The following SLC24A3 variants were observed in gnomAD, a reference collection of about 807,000 sequenced individuals.
SLC24A3 encodes sodium/potassium/calcium exchanger 3.
Under a neutral mutation model 75.8 loss-of-function variants are expected in SLC24A3, and 28 were observed. That is an observed-to-expected ratio of 0.37 (90% CI 0.27 to 0.51). The LOEUF is 0.51. SLC24A3 is among the 20% of genes least tolerant of loss of function. The probability of loss-of-function intolerance (pLI) is 0.94; values close to 1 mark genes in which losing one functional copy is unlikely to be tolerated. For synonymous variants in SLC24A3, 372 were observed against 334.1 expected, an observed-to-expected ratio of 1.11 and a Z score of -1.24; for missense variants, 663 against 847.8, an observed-to-expected ratio of 0.78 and a Z score of 2.71.
At chr20:19,476,958 T>C (rs1752658547) in intron 2 of SLC24A3, among the ~76,000 whole-genome samples, 5 of 151,870 alleles carry the variant, frequency 3.3e-5, no homozygotes, top group Admixed American at 3.3e-4. Context: ...GCAAGGAAGG[T>C]AAGGGCTCGT....
chr20:19,357,304 C>T (rs1985705294), intron 2 of SLC24A3, among the ~76,000 whole-genome samples: 1 of 152,080 alleles, frequency 6.6e-6, no homozygotes, highest in South Asian at 2.1e-4. Context: ...GACTTCTGGC[C>T]TCCAGAACTG....
intron 1 of SLC24A3, among the ~76,000 whole-genome samples, chr20:19,239,954 G>A (rs564540761): frequency 1.0e-3 from 157 of 152,242 alleles, no homozygotes; most frequent in Admixed American, 3.4e-3. Flanking sequence ...CACAATCTGC[G>A]GTTGTCCTGA....
At chr20:19,684,028 GAA>G (rs1011360521) in intron 10 of SLC24A3, 146 bp from the exon 11 acceptor site, 11 of 837,240 alleles carry the variant, frequency 1.3e-5, no homozygotes, top group Non-Finnish European at 2.0e-5. Flanking sequence ...AATAAGGAAA[GAA>G]GAGTGGATGA....
At chr20:19,243,917 A>G (rs1255173534) in intron 1 of SLC24A3, 2 of 152,180 alleles carry the variant, frequency 1.3e-5, no homozygotes, top group Admixed American at 6.5e-5. Context: ...TCTCCTGAGC[A>G]TGATTCCAGT....
intron 2 of SLC24A3, among the ~76,000 whole-genome samples, chr20:19,359,268 T>C (rs1032091823): frequency 1.3e-5 from 2 of 152,224 alleles, no homozygotes; most frequent in African/African-American, 4.8e-5. Context: ...AAAAAAGTTC[T>C]TGTTCTTTCA....
At chr20:19,432,093 A>G (rs1454532181) in intron 2 of SLC24A3, among the ~76,000 whole-genome samples, 1 of 152,104 alleles carries the variant, frequency 6.6e-6, no homozygotes, top group East Asian at 1.9e-4. Context: ...GAGGTCATCA[A>G]AGGCACCACT....
At chr20:19,446,958 G>C (rs1463470582) in intron 2 of SLC24A3, among the ~76,000 whole-genome samples, 1 of 152,178 alleles carries the variant, frequency 6.6e-6, no homozygotes, top group East Asian at 1.9e-4. Context: ...GTGGTCCCCA[G>C]CATCTCTCAT....
chr20:19,390,555 G>A (rs1185803979), intron 2 of SLC24A3, among the ~76,000 whole-genome samples: 1 of 152,134 alleles, frequency 6.6e-6, no homozygotes, highest in East Asian at 1.9e-4. Flanking sequence ...CCTGGAGGCT[G>A]GGTCCACAGA....
rs140049136 is a variant in SLC24A3 at position 19,333,360 on chromosome 20, A to C, written c.271+52273A>C. 2.1e-3 allele frequency among the ~76,000 whole-genome samples: 321 copies of C among 152,248 alleles called. 1 individual carries two copies. Among genetic ancestry groups the C allele is most frequent in the Non-Finnish European group, 3.8e-3 (256 of 68,002 alleles). Reference sequence around the variant, plus strand: ...TCTGTTCATTACAACCAGGGTGCTCAAACTAGGGGCTGAGAAACAGATTCT... The same window carrying C: ...TCTGTTCATTACAACCAGGGTGCTCCAACTAGGGGCTGAGAAACAGATTCT... On this transcript the variant is annotated intron_variant, in intron 2 of 16. Coordinates refer to ENST00000328041, the MANE Select transcript of SLC24A3 (RefSeq NM_020689.4).
chr20:19,645,070 A>G (rs978258269), intron 6 of SLC24A3, among the ~76,000 whole-genome samples: 1 of 152,198 alleles, frequency 6.6e-6, no homozygotes, highest in Non-Finnish European at 1.5e-5. Flanking sequence ...CTCATTCATC[A>G]CTACTTCAGA....
Position 19,704,480 on chromosome 20 carries a change from G to T in SLC24A3, c.1719+5800G>T, listed in dbSNP as rs774249908. On this transcript the variant is annotated intron_variant, in intron 15 of 16. Transcript: ENST00000328041. ...GCAATAGGGATTCAGAAGTGAACAAGGTAGACAAGACCTTTCCTCTTAGAG... is the reference window on the plus strand; with the variant it reads ...GCAATAGGGATTCAGAAGTGAACAATGTAGACAAGACCTTTCCTCTTAGAG... Among the ~76,000 whole-genome samples the T allele has an allele frequency of 7.2e-5, 11 of 152,306 alleles. 1 individual carries two copies. Among genetic ancestry groups the T allele is most frequent in the Admixed American group, 2.0e-4 (3 of 15,304 alleles).
At chr20:19,633,947 A>G (rs1316386847) in intron 6 of SLC24A3, among the ~76,000 whole-genome samples, 1 of 152,150 alleles carries the variant, frequency 6.6e-6, no homozygotes, top group Non-Finnish European at 1.5e-5. Context: ...TGCTGCTGTT[A>G]CTGTTTGTAA....
chr20:19,570,806 G>C (rs1332732312), intron 3 of SLC24A3, among the ~76,000 whole-genome samples: 1 of 152,128 alleles, frequency 6.6e-6, no homozygotes, highest in African/African-American at 2.4e-5. Context: ...ATAGTGGAAG[G>C]AAGTGCTGAA....
chr20:19,597,284 G>A (rs902680067), intron 6 of SLC24A3, among the ~76,000 whole-genome samples: 1 of 152,140 alleles, frequency 6.6e-6, no homozygotes, highest in Non-Finnish European at 1.5e-5. Flanking sequence ...CTACTTGGGA[G>A]GCTAAGGTGG....
chr20:19,493,715 G>T (rs1204644352), intron 2 of SLC24A3, among the ~76,000 whole-genome samples: 1 of 152,124 alleles, frequency 6.6e-6, no homozygotes, highest in Non-Finnish European at 1.5e-5. Flanking sequence ...AAGAATCTTA[G>T]TTGGGGGGAT....
chr20:19,399,414 A>G (rs1020621874), intron 2 of SLC24A3, among the ~76,000 whole-genome samples: 3 of 152,160 alleles, frequency 2.0e-5, no homozygotes, highest in Admixed American at 2.0e-4. Context: ...TTACTTGATG[A>G]CATCTGGCAA....
At chr20:19,403,552 G>A (rs1216417246) in intron 2 of SLC24A3, among the ~76,000 whole-genome samples, 2 of 152,136 alleles carry the variant, frequency 1.3e-5, no homozygotes, top group Non-Finnish European at 2.9e-5. Context: ...TTTAATTATA[G>A]TATAACTATA....
chr20:19,597,947 G>A (rs2031472119), intron 6 of SLC24A3, among the ~76,000 whole-genome samples: 2 of 152,282 alleles, frequency 1.3e-5, no homozygotes, highest in South Asian at 4.2e-4. Context: ...GAATGTATAT[G>A]CCACATTTCA....
intron 15 of SLC24A3, among the ~76,000 whole-genome samples, chr20:19,705,744 T>C (rs759915963): frequency 1.3e-5 from 2 of 152,156 alleles, no homozygotes; most frequent in Non-Finnish European, 2.9e-5. Context: ...CAAGTCATAA[T>C]TATCTGATAA....
Sources: allele counts gnomAD v4.1 joint callset (sites outside exome capture counted in the v4.1 genomes callset), GRCh38; gene constraint gnomAD v4.1.1; transcripts MANE v1.5; gene names NCBI Gene and HGNC (gene_info 2026-07-23, HGNC 2026-07-21).